Variants in HECW1 observed in about 807,000 individuals in gnomAD.
HECW1 encodes the protein HECT, C2 and WW domain containing E3 ubiquitin protein ligase 1, also known as E3 ubiquitin-protein ligase HECW1.
A neutral mutation model predicts 182.3 loss-of-function variants in HECW1; 61 were observed. The observed-to-expected ratio is 0.33, with a 90% CI of 0.27 to 0.41. The LOEUF (loss-of-function observed/expected upper bound fraction) is 0.41. Ranked by LOEUF, HECW1 falls within the 10% of genes least tolerant of loss-of-function variation. The pLI is 1.00. For synonymous variants in HECW1, 859 were observed against 832.6 expected (o/e 1.03, Z -0.55); for missense variants, 1,739 against 2,108.9 (o/e 0.82, Z 3.44).
chr7:43,131,675 A>G (rs1157532040), intron 2 of HECW1, among the ~76,000 whole-genome samples: 15 of 152,180 alleles, frequency 9.9e-5, no homozygotes, highest in Non-Finnish European at 1.5e-5. Flanking sequence ...CCAACCCTCT[A>G]TGAAGGTGCC....
At chr7:43,275,807 G>A (rs1803068437) in intron 3 of HECW1, among the ~76,000 whole-genome samples, 1 of 151,750 alleles carries the variant, frequency 6.6e-6, no homozygotes, top group South Asian at 2.1e-4. Flanking sequence ...GTGGCTGTGG[G>A]TTTATTCAAT....
chr7:43,316,782 C>CCCCT (rs1562826425), intron 4 of HECW1, among the ~76,000 whole-genome samples: 2 of 106,402 alleles, frequency 1.9e-5, no homozygotes, highest in Non-Finnish European at 3.8e-5. Context: ...CTCCTCCCCT[C>CCCCT]CCCTCCTCTC....
At chr7:43,157,570 T>C (rs1032817826) in intron 2 of HECW1, among the ~76,000 whole-genome samples, 2 of 152,218 alleles carry the variant, frequency 1.3e-5, no homozygotes, top group African/African-American at 4.8e-5. Context: ...TTCTTTTCTT[T>C]CTTTTTTTGA....
chr7:43,297,414 G>A (rs1388694994), intron 3 of HECW1, among the ~76,000 whole-genome samples: 1 of 152,186 alleles, frequency 6.6e-6, no homozygotes, highest in African/African-American at 2.4e-5. Context: ...TTTGCATGCT[G>A]CAAAACAATG....
intron 24 of HECW1, among the ~76,000 whole-genome samples, chr7:43,512,512 G>C (rs181107666): frequency 4.6e-5 from 7 of 152,270 alleles, no homozygotes; most frequent in African/African-American, 1.7e-4. Context: ...TGTGTAAAAC[G>C]CTGATGAGCT....
At chr7:43,434,953 TG>T (rs1286542961) in intron 8 of HECW1, among the ~76,000 whole-genome samples, 4 of 151,982 alleles carry the variant, frequency 2.6e-5, no homozygotes, top group African/African-American at 9.7e-5. Context: ...AAAAAGGAAA[TG>T]GGGGAAAATA....
chr7:43,317,070 C>T (rs553898526), intron 4 of HECW1, among the ~76,000 whole-genome samples: 42 of 152,136 alleles, frequency 2.8e-4, no homozygotes, highest in Admixed American at 1.8e-3. Flanking sequence ...CTATAAGCAC[C>T]TACCTCAAAA....
intron 2 of HECW1, among the ~76,000 whole-genome samples, chr7:43,159,229 A>G (rs1158795173): frequency 6.6e-6 from 1 of 151,430 alleles, no homozygotes; most frequent in East Asian, 1.9e-4. Context: ...ACATGTGCAC[A>G]ATGTGCAGGT....
At chr7:43,118,727 A>AC (rs1220398564) in intron 2 of HECW1, among the ~76,000 whole-genome samples, 1 of 152,170 alleles carries the variant, frequency 6.6e-6, no homozygotes, top group Non-Finnish European at 1.5e-5. Flanking sequence ...AATTGGAAAA[A>AC]AAAATCGTTT....
At chr7:43,455,498 C>T (rs2152887911) in intron 12 of HECW1, among the ~76,000 whole-genome samples, 1 of 152,324 alleles carries the variant, frequency 6.6e-6, no homozygotes, top group East Asian at 1.9e-4. Context: ...TGAACCTAAT[C>T]GCCCTCTGTT....
At chr7:43,320,535 A>T in intron 4 of HECW1, 100 bp from the exon 5 acceptor site, 1 of 805,636 alleles carries the variant, frequency 1.2e-6, no homozygotes, top group Non-Finnish European at 2.1e-6. Flanking sequence ...TTCTGTTGAG[A>T]TGGAAGCAGC....
At chr7:43,507,366 G>A in intron 22 of HECW1, 109 bp downstream of exon 22, 1 of 1,097,714 alleles carries the variant, frequency 9.1e-7, no homozygotes, top group Non-Finnish European at 1.3e-6. Flanking sequence ...TGGTGTGGTA[G>A]TGGTTATGGT....
At chr7:43,380,432 C>T (rs1351182940) in intron 6 of HECW1, among the ~76,000 whole-genome samples, 1 of 152,004 alleles carries the variant, frequency 6.6e-6, no homozygotes, top group Admixed American at 6.6e-5. Context: ...GTTTTTCATT[C>T]TTTTGTGTGA....
Position 43,122,354 on chromosome 7 carries a change from T to C in HECW1, c.-32+7963T>C, listed in dbSNP as rs1785719647. ...TCTTTCCAGGTGATGCTCACTAGTGTTACTTTCTTACCAATATCTGAGGAG... is the reference window on the plus strand; with the variant it reads ...TCTTTCCAGGTGATGCTCACTAGTGCTACTTTCTTACCAATATCTGAGGAG... On this transcript the variant is annotated intron_variant, in intron 2 of 29. Transcript: ENST00000395891. 2.6e-5 allele frequency among the ~76,000 whole-genome samples: 4 copies of C among 152,302 alleles called. No homozygotes were observed. The South Asian group carries it at 8.3e-4, about 32-fold the overall frequency.
chr7:43,304,076 G>A (rs11760429), intron 3 of HECW1, among the ~76,000 whole-genome samples: 193 of 152,278 alleles, frequency 1.3e-3, no homozygotes, highest in Admixed American at 2.5e-3. Flanking sequence ...GAGGAAATGC[G>A]TGGGCTGCAG....
intron 6 of HECW1, among the ~76,000 whole-genome samples, chr7:43,365,743 A>T (rs1265410157): frequency 6.6e-6 from 1 of 152,182 alleles, no homozygotes; most frequent in African/African-American, 2.4e-5. Context: ...TGCCTCTGCA[A>T]CCAAGCTTTT....
At chr7:43,244,087 T>C (rs918944062) in intron 3 of HECW1, among the ~76,000 whole-genome samples, 155 bp downstream of exon 3, 3 of 152,046 alleles carry the variant, frequency 2.0e-5, no homozygotes, top group Non-Finnish European at 4.4e-5. Flanking sequence ...TCCATCACCC[T>C]CCCTCCCCAC....
At chr7:43,229,711 G>T (rs1206205811) in intron 2 of HECW1, among the ~76,000 whole-genome samples, 1 of 152,144 alleles carries the variant, frequency 6.6e-6, no homozygotes, top group African/African-American at 2.4e-5. Context: ...GATGGTAAAG[G>T]AAATGGGTGA....
At chr7:43,283,853 A>T (rs546151757) in intron 3 of HECW1, among the ~76,000 whole-genome samples, 1 of 152,242 alleles carries the variant, frequency 6.6e-6, no homozygotes, top group East Asian at 1.9e-4. Context: ...TGAGAGAAAC[A>T]GTTGACAAGT....
Sources: gnomAD v4.1 joint callset for allele counts (sites outside exome capture counted in the v4.1 genomes callset) on GRCh38, gnomAD v4.1.1 for gene constraint, MANE v1.5 for transcripts, NCBI Gene and HGNC (gene_info 2026-07-23, HGNC 2026-07-21) for gene names.